The following FMN2 variants were observed in gnomAD, a reference collection of about 807,000 sequenced individuals.
FMN2 encodes the protein formin-2.
FMN2 carries 51 observed loss-of-function variants against 142.3 expected under a neutral mutation model. The ratio of observed to expected loss-of-function variants is 0.36; its 90% CI spans 0.29 to 0.45. The LOEUF (loss-of-function observed/expected upper bound fraction) is 0.45, where lower values mean the gene tolerates loss of function less well. FMN2 is among the 20% of genes least tolerant of loss of function. The probability of loss-of-function intolerance (pLI) is 1.00; values close to 1 mark genes in which losing one functional copy is unlikely to be tolerated. For synonymous variants in FMN2, 882 were observed against 869.8 expected (o/e 1.01, Z -0.25); for missense variants, 1,936 against 2,122.8 (o/e 0.91, Z 1.73).
intron 2 of FMN2, among the ~76,000 whole-genome samples, chr1:240,139,738 G>A (rs1179071922): frequency 6.6e-6 from 1 of 152,204 alleles, no homozygotes; most frequent in Non-Finnish European, 1.5e-5. Flanking sequence ...GTTTGGAGAC[G>A]AGGGGTGTAG....
At chr1:240,403,756 CTTTATTTGGACATTATTATGTGA>C (rs1347150451) in intron 15 of FMN2, among the ~76,000 whole-genome samples, 1 of 152,044 alleles carries the variant, frequency 6.6e-6, no homozygotes, top group African/African-American at 2.4e-5. Flanking sequence ...AAGTAATGTG[CTTTATTTGGACATTATTATGTGA>C]TAAAGATTGG....
chr1:240,471,344 T>G (rs758888070), intron 16 of FMN2, among the ~76,000 whole-genome samples: 51 of 151,840 alleles, frequency 3.4e-4, no homozygotes, highest in Admixed American at 1.3e-3. Flanking sequence ...TAATTTTAAG[T>G]AAGCATGGCA....
Position 240,091,967 on chromosome 1 carries a change from C to T in FMN2, c.-143C>T. On this transcript the variant is annotated 5_prime_UTR_variant, in exon 1 of 18. Transcript: ENST00000319653. ...GCAGATGCGAGCGGGGCCAGCCGGG[C>T]GCGCGTCGGCCTCCCCTCCCAGCGG... 5 of 1,317,984 alleles carry T rather than the reference C, an allele frequency of 3.8e-6. No individual in the cohort carries two copies. The highest frequency in any genetic ancestry group is 4.9e-6 in the Non-Finnish European group (5 of 1,021,870). The allele number at this position is 1,317,984 out of a possible 1,614,324, so 81.6% of individuals were successfully genotyped here. A position where few individuals can be genotyped will look rare whatever the true frequency, so the allele number is the denominator to read the frequency against.
intron 8 of FMN2, among the ~76,000 whole-genome samples, chr1:240,316,312 G>A (rs984149288): frequency 6.6e-6 from 1 of 152,204 alleles, no homozygotes; most frequent in African/African-American, 2.4e-5. Context: ...GTTCTTAAAT[G>A]TTGGTCAATA....
chr1:240,121,411 C>A lies in FMN2; in HGVS notation c.1616-1768C>A, dbSNP rs187704340. On this transcript the variant is annotated intron_variant, in intron 1 of 17. Coordinates refer to ENST00000319653, the MANE Select transcript of FMN2 (RefSeq NM_020066.5). The stretch of plus-strand genomic sequence containing the variant: ...TTTTTTTTTGAGACGGAGTCTTGCT[C>A]TGTCGCTAGGCTGGAGTGCAGTGGC... 7.0e-4 allele frequency among the ~76,000 whole-genome samples: 104 copies of A among 148,022 alleles called. No individual in the cohort carries two copies. The East Asian group carries it at 0.013, about 19-fold the overall frequency.
At chr1:240,203,098 A>G (rs969790520) in intron 4 of FMN2, among the ~76,000 whole-genome samples, 2 of 152,182 alleles carry the variant, frequency 1.3e-5, no homozygotes, top group Non-Finnish European at 2.9e-5. Context: ...AGAAATACTA[A>G]TTGTACTCCT....
intron 8 of FMN2, among the ~76,000 whole-genome samples, chr1:240,307,428 A>T (rs1288552640): frequency 1.3e-5 from 2 of 152,116 alleles, no homozygotes; most frequent in African/African-American, 4.8e-5. Context: ...TATGTGTGGT[A>T]AGAGGTAGTG....
chr1:240,183,183 C>G (rs1665224773), intron 3 of FMN2, among the ~76,000 whole-genome samples: 1 of 151,608 alleles, frequency 6.6e-6, no homozygotes, highest in African/African-American at 2.4e-5. Context: ...TCCCAAAGTG[C>G]TGGGATTACA....
intron 4 of FMN2, among the ~76,000 whole-genome samples, chr1:240,202,639 A>T (rs1666169774): frequency 6.6e-6 from 1 of 151,786 alleles, no homozygotes; most frequent in Non-Finnish European, 1.5e-5. Flanking sequence ...TTTATTTTCC[A>T]TTTTTGTTGA....
In FMN2 at chr1:240,474,235, C is replaced by A; in HGVS notation, c.*81C>A. On this transcript the variant is annotated 3_prime_UTR_variant, in exon 18 of 18. Coordinates refer to ENST00000319653, the MANE Select transcript of FMN2 (RefSeq NM_020066.5). Reference sequence around the variant, plus strand: ...TGACCTGAGAGTGGGAGGGAAACTACCGTCATTCTGCTCATGTTTCTTCTT... The same window carrying A: ...TGACCTGAGAGTGGGAGGGAAACTAACGTCATTCTGCTCATGTTTCTTCTT... The A allele has an allele frequency of 8.0e-7, 1 of 1,252,046 alleles. No homozygotes were observed. The highest frequency in any genetic ancestry group is 1.1e-6 in the Non-Finnish European group (1 of 911,270). 77.6% of individuals were successfully genotyped at this position (1,252,046 alleles called of 1,614,324 possible).
chr1:240,361,139 GTGTATA>G (rs1447923628), intron 14 of FMN2, among the ~76,000 whole-genome samples: 33 of 9,546 alleles, frequency 3.5e-3, no homozygotes, highest in Non-Finnish European at 5.0e-3. Flanking sequence ...ATAAATATAT[GTGTATA>G]TATATATATA....
At chr1:240,243,089 G>GT (rs771440771) in intron 6 of FMN2, among the ~76,000 whole-genome samples, 20 of 151,842 alleles carry the variant, frequency 1.3e-4, no homozygotes, top group Non-Finnish European at 2.6e-4. Flanking sequence ...ATACGGTAGT[G>GT]TAAGTAAGAC....
rs34849609 is a variant in FMN2 at position 240,445,702 on chromosome 1, GT to G, written c.5060+7506del. Among the ~76,000 whole-genome samples the G allele has an allele frequency of 8.0e-4, 114 of 143,354 alleles. 1 individual carries two copies. Among genetic ancestry groups the G allele is most frequent in the South Asian group, 7.2e-3 (33 of 4,556 alleles). The allele number at this position is 143,354 out of a possible 152,430, so 94.0% of individuals were successfully genotyped here. A position where few individuals can be genotyped will look rare whatever the true frequency, so the allele number is the denominator to read the frequency against. On this transcript the variant is annotated intron_variant, in intron 16 of 17. Coordinates refer to ENST00000319653, the MANE Select transcript of FMN2 (RefSeq NM_020066.5). ...GCATTCAATAGGAAGCCATCAAAGG[GT>G]TTTTTTTTTTTTTCTGGAGAGAAAA...
intron 16 of FMN2, 21 bp from the exon 17 acceptor site, chr1:240,472,351 C>G (rs1018567729): frequency 1.9e-6 from 3 of 1,588,486 alleles, no homozygotes; most frequent in Non-Finnish European, 2.6e-6. Context: ...TGTTTAAATA[C>G]ATGTGTCTTC....
chr1:240,452,162 G>A (rs1676078829), intron 16 of FMN2, among the ~76,000 whole-genome samples: 1 of 152,058 alleles, frequency 6.6e-6, no homozygotes, highest in African/African-American at 2.4e-5. Context: ...CCGCACTCCA[G>A]CCTGGGCGAC....
chr1:240,311,681 T>G (rs1423731908), intron 8 of FMN2, among the ~76,000 whole-genome samples: 2 of 152,224 alleles, frequency 1.3e-5, no homozygotes, highest in Non-Finnish European at 2.9e-5. Flanking sequence ...TATTGACTGA[T>G]TTTTTGATAG....
chr1:240,340,568 G>A (rs1034506947), intron 13 of FMN2, among the ~76,000 whole-genome samples: 1 of 152,066 alleles, frequency 6.6e-6, no homozygotes, highest in Non-Finnish European at 1.5e-5. Context: ...ATGACAGAGC[G>A]AGACTCCATC....
chr1:240,179,767 A>T (rs969050739), intron 3 of FMN2: 2 of 153,238 alleles, frequency 1.3e-5, no homozygotes, highest in East Asian at 1.9e-4. Context: ...CAAAATACTT[A>T]GGGGTAGATA....
chr1:240,434,560 T>C (rs1558104028), intron 15 of FMN2, among the ~76,000 whole-genome samples: 1 of 151,112 alleles, frequency 6.6e-6, no homozygotes, highest in African/African-American at 2.4e-5. Context: ...TTTTTGTTTT[T>C]TTTTGTTTTT....
Sources: gnomAD v4.1 joint callset for allele counts (sites outside exome capture counted in the v4.1 genomes callset) on GRCh38, gnomAD v4.1.1 for gene constraint, MANE v1.5 for transcripts, NCBI Gene and HGNC (gene_info 2026-07-23, HGNC 2026-07-21) for gene names.